The following DNM3 variants were observed in gnomAD, a reference collection of about 807,000 sequenced individuals.
DNM3 encodes the protein dynamin-3.
Under a neutral mutation model 101.6 loss-of-function variants are expected in DNM3, and 47 were observed. The ratio of observed to expected loss-of-function variants is 0.46; its 90% confidence interval spans 0.37 to 0.59. DNM3 has a LOEUF of 0.59. Among genes scored for constraint, DNM3 ranks in the 20% least tolerant of loss-of-function variants. DNM3 has a pLI of 0.00. For synonymous variants in DNM3, 385 were observed against 387.9 expected, an observed-to-expected ratio of 0.99 and a Z score of 0.09; for missense variants, 849 against 1,085.7, an observed-to-expected ratio of 0.78 and a Z score of 3.06.
intron 16 of DNM3, among the ~76,000 whole-genome samples, chr1:172,320,091 A>G (rs1258101625): frequency 1.3e-5 from 2 of 151,702 alleles, no homozygotes; most frequent in Non-Finnish European, 2.9e-5. Context: ...AGGGACATGG[A>G]TGAAATTGGA....
At chr1:171,885,944 T>C (rs547505005) in intron 1 of DNM3, among the ~76,000 whole-genome samples, 2 of 152,216 alleles carry the variant, frequency 1.3e-5, no homozygotes, top group African/African-American at 4.8e-5. Flanking sequence ...AGGATGAAAC[T>C]GAGAGTAGGA....
chr1:172,071,088 T>C (rs796901945), intron 11 of DNM3, among the ~76,000 whole-genome samples: 1 of 37,572 alleles, frequency 2.7e-5, no homozygotes, highest in Non-Finnish European at 6.0e-5. Flanking sequence ...AGACCCTGCA[T>C]ATATATATAT....
At chr1:172,106,798 T>G (rs1042051943) in intron 13 of DNM3, among the ~76,000 whole-genome samples, 1 of 151,046 alleles carries the variant, frequency 6.6e-6, no homozygotes, top group East Asian at 1.9e-4. Context: ...GGAGTGATTG[T>G]TTGCCATTGA....
chr1:172,282,487 T>C (rs952859064), intron 15 of DNM3, among the ~76,000 whole-genome samples: 10 of 152,238 alleles, frequency 6.6e-5, no homozygotes, highest in African/African-American at 7.2e-5. Context: ...AGGGTTTGAA[T>C]TTCTCTATCT....
chr1:172,350,480 G>A (rs2067153512), intron 17 of DNM3, among the ~76,000 whole-genome samples: 1 of 152,120 alleles, frequency 6.6e-6, no homozygotes, highest in Non-Finnish European at 1.5e-5. Flanking sequence ...CCTTTTCAAA[G>A]ATTACTTAAC....
chr1:172,141,901 G>A (rs969054970), intron 14 of DNM3, among the ~76,000 whole-genome samples: 2 of 152,030 alleles, frequency 1.3e-5, no homozygotes, highest in Non-Finnish European at 2.9e-5. Flanking sequence ...TAAGTCCACC[G>A]TTTTAGATTG....
Position 172,038,235 on chromosome 1 carries a change from G to A in DNM3, c.850-84G>A, listed in dbSNP as rs2049109384. On this transcript the variant is annotated intron_variant, in intron 6 of 20. Coordinates refer to ENST00000627582, the MANE Select transcript of DNM3 (RefSeq NM_015569.5). Reference sequence around the variant, plus strand: ...TTGAATTATTAGAAAAACAATGGAGGCGGATCTTTGTCTCATGAGTTAATC... The same window carrying A: ...TTGAATTATTAGAAAAACAATGGAGACGGATCTTTGTCTCATGAGTTAATC... The A allele has an allele frequency of 2.6e-6, 4 of 1,516,626 alleles. No homozygotes were observed. In the South Asian group the frequency reaches 4.9e-5, roughly 19 times the overall value. 93.9% of individuals were successfully genotyped at this position (1,516,626 alleles called of 1,614,324 possible).
intron 18 of DNM3, among the ~76,000 whole-genome samples, chr1:172,381,693 A>G (rs1329230523): frequency 6.6e-6 from 1 of 152,084 alleles, no homozygotes; most frequent in Non-Finnish European, 1.5e-5. Flanking sequence ...AGATGTATTG[A>G]TTTTTTAACT....
At chr1:172,089,823 G>A (rs988534448) in intron 12 of DNM3, among the ~76,000 whole-genome samples, 2 of 152,252 alleles carry the variant, frequency 1.3e-5, no homozygotes, top group African/African-American at 4.8e-5. Context: ...TAGCTTATAA[G>A]CTTCTGAGAG....
At chr1:172,048,552 G>T (rs1318969584) in intron 9 of DNM3, 60 bp from the exon 10 acceptor site, 2 of 1,523,562 alleles carry the variant, frequency 1.3e-6, no homozygotes, top group Non-Finnish European at 1.8e-6. Context: ...TTTTTCAAAA[G>T]ATTTTTGAAT....
At chr1:172,284,878 A>G (rs964747248) in intron 15 of DNM3, among the ~76,000 whole-genome samples, 2 of 152,196 alleles carry the variant, frequency 1.3e-5, no homozygotes, top group African/African-American at 4.8e-5. Context: ...GTTCAACTCA[A>G]TGGATGTATA....
chr1:172,183,646 G>T (rs1169739989), intron 14 of DNM3, among the ~76,000 whole-genome samples: 1 of 151,814 alleles, frequency 6.6e-6, no homozygotes, highest in African/African-American at 2.4e-5. Flanking sequence ...TGTCACCCAG[G>T]CTGGAGTGCA....
chr1:171,971,975 C>G (rs779876181), intron 2 of DNM3, among the ~76,000 whole-genome samples: 1 of 151,980 alleles, frequency 6.6e-6, no homozygotes, highest in African/African-American at 2.4e-5. Context: ...TCATACTGAA[C>G]GAGGAAAAGA....
chr1:172,298,548 A>C (rs1043638518), intron 15 of DNM3, among the ~76,000 whole-genome samples: 1 of 152,118 alleles, frequency 6.6e-6, no homozygotes, highest in Admixed American at 6.6e-5. Flanking sequence ...CTTGTCCTAA[A>C]GCTAGAAAGT....
chr1:172,143,813 G>T (rs1452492659), intron 14 of DNM3, among the ~76,000 whole-genome samples: 1 of 152,040 alleles, frequency 6.6e-6, no homozygotes, highest in Admixed American at 6.5e-5. Flanking sequence ...TTGTGGGTCG[G>T]TGCTCTTCTC....
chr1:172,081,885 C>T lies in DNM3; in HGVS notation c.1476C>T (p.Asp492=). The part of the protein sequence containing the change: ...QVSYINTNHE[D]FIGFANAQQR... ...CTTACATCAACACCAACCATGAAGA[C>T]TTCATTGGCTTCGCAAAGTACGTGA... The change falls in exon 12 of 21, where the codon GAC becomes GAT. Residue 492 remains aspartate, a synonymous_variant. Coordinates refer to ENST00000627582, the MANE Select transcript of DNM3 (RefSeq NM_015569.5). The T allele has an allele frequency of 6.2e-7, 1 of 1,613,122 alleles. No homozygotes were observed.
At chr1:172,309,572 C>T (rs555474338) in intron 16 of DNM3, 1 of 152,200 alleles carries the variant, frequency 6.6e-6, no homozygotes, top group Non-Finnish European at 1.5e-5. Context: ...TCCTGTATAT[C>T]TAGATTATCC....
chr1:172,102,376 GA>G (rs1417182540), intron 13 of DNM3, among the ~76,000 whole-genome samples: 1 of 152,036 alleles, frequency 6.6e-6, no homozygotes, highest in Non-Finnish European at 1.5e-5. Flanking sequence ...TAGAGTTTAT[GA>G]AAACCACACT....
At chr1:172,154,701 G>A (rs777125007) in intron 14 of DNM3, among the ~76,000 whole-genome samples, 1 of 152,066 alleles carries the variant, frequency 6.6e-6, no homozygotes, top group African/African-American at 2.4e-5. Flanking sequence ...GGGAGAAAAT[G>A]TGTTGAGTCT....
Sources: gnomAD v4.1 joint callset for allele counts (sites outside exome capture counted in the v4.1 genomes callset) on GRCh38, gnomAD v4.1.1 for gene constraint, MANE v1.5 for transcripts, NCBI Gene and HGNC (gene_info 2026-07-23, HGNC 2026-07-21) for gene names.